ZNF516: variants seen among roughly 807,000 people sequenced by gnomAD.
ZNF516 encodes the protein zinc finger protein 516.
In ZNF516, 19 loss-of-function variants were observed where a neutral mutation model predicts 79.7. That is an observed-to-expected ratio of 0.24 (90% CI 0.17 to 0.35). The LOEUF (loss-of-function observed/expected upper bound fraction) is 0.35. ZNF516 is among the 10% of genes least tolerant of loss of function. ZNF516 has a pLI of 1.00. For synonymous variants in ZNF516, 877 were observed against 739.5 expected (o/e 1.19, Z -3.02); for missense variants, 1,678 against 1,679.5 (o/e 1.00, Z 0.02).
intron 3 of ZNF516, chr18:76,386,428 G>A (rs996959662): frequency 3.3e-5 from 5 of 152,248 alleles, no homozygotes; most frequent in African/African-American, 1.2e-4. Context: ...TTCAACTTTA[G>A]GCTGACAAGG....
chr18:76,433,451 G>C (rs543811426), intron 3 of ZNF516, among the ~76,000 whole-genome samples: 2 of 152,340 alleles, frequency 1.3e-5, no homozygotes, highest in African/African-American at 2.4e-5. Context: ...GGGTCATCCT[G>C]CCTGAAAAGA....
At chr18:76,477,417 G>A (rs1477122092) in intron 1 of ZNF516, among the ~76,000 whole-genome samples, 5 of 152,100 alleles carry the variant, frequency 3.3e-5, no homozygotes, top group Non-Finnish European at 7.4e-5. Flanking sequence ...CTCCAAGAAC[G>A]GGACCCAGCC....
At chr18:76,375,386 G>A (rs375051197) in intron 4 of ZNF516, among the ~76,000 whole-genome samples, 13 of 151,798 alleles carry the variant, frequency 8.6e-5, no homozygotes, top group African/African-American at 1.7e-4. Flanking sequence ...GAGAGTGGAC[G>A]TGAAGGCCCC....
intron 3 of ZNF516, among the ~76,000 whole-genome samples, chr18:76,399,260 A>G (rs2075186473): frequency 6.6e-6 from 1 of 152,266 alleles, no homozygotes; most frequent in South Asian, 2.1e-4. Context: ...TGCAAAATGC[A>G]CATGTCTTAT....
At chr18:76,410,501 T>G (rs1035899205) in intron 3 of ZNF516, among the ~76,000 whole-genome samples, 8 of 152,292 alleles carry the variant, frequency 5.3e-5, no homozygotes, top group African/African-American at 1.7e-4. Flanking sequence ...GCTCGCGCAG[T>G]GGTTCCGCAG....
At position 76,402,771 on chromosome 18, in the gene ZNF516, G is replaced by C. The variant is rs543850383; in HGVS notation, c.1811-22468C>G. On this transcript the variant is annotated intron_variant, in intron 3 of 6. Transcript: ENST00000443185. ...TAGAAGCGAGCTCCATCGGGCCGCT[G>C]CGCTTCTATCAGCTTGAGCTGATGC... Among the ~76,000 whole-genome samples the C allele has an allele frequency of 2.9e-3, 445 of 152,386 alleles. 2 individuals carry two copies. Among genetic ancestry groups the C allele is most frequent in the Non-Finnish European group, 4.6e-3 (310 of 68,036 alleles).
At chr18:76,469,332 CTTTATA>C (rs1434454532) in intron 1 of ZNF516, among the ~76,000 whole-genome samples, 1 of 152,142 alleles carries the variant, frequency 6.6e-6, no homozygotes, top group Admixed American at 6.6e-5. Flanking sequence ...CTCATTATAT[CTTTATA>C]TTTAGAGGGC....
chr18:76,450,451 G>A (rs1912337978), intron 2 of ZNF516, among the ~76,000 whole-genome samples: 1 of 147,136 alleles, frequency 6.8e-6, no homozygotes, highest in Admixed American at 7.1e-5. Flanking sequence ...GAAAGTCAAA[G>A]AAAAATCGTC....
chr18:76,454,273 CTTACGCATTTT>C (rs1289980220), intron 2 of ZNF516, among the ~76,000 whole-genome samples: 14 of 152,182 alleles, frequency 9.2e-5, no homozygotes, highest in African/African-American at 2.9e-4. Flanking sequence ...TAAGCAATTG[CTTACGCATTTT>C]TTGTTAAAAG....
At chr18:76,488,202 A>G in intron 1 of ZNF516, 1 of 985,400 alleles carries the variant, frequency 1.0e-6, no homozygotes, top group Non-Finnish European at 1.2e-6. Context: ...TCTAAATGAG[A>G]TGCAGCTCCC....
intron 3 of ZNF516, among the ~76,000 whole-genome samples, chr18:76,433,641 A>G (rs983219015): frequency 9.2e-5 from 14 of 152,166 alleles, no homozygotes; most frequent in Non-Finnish European, 1.8e-4. Flanking sequence ...CAGGTGCCAG[A>G]GCTGAAATGC....
At chr18:76,407,773 CCACCCAGA>C (rs1473211312) in intron 3 of ZNF516, among the ~76,000 whole-genome samples, 2 of 152,246 alleles carry the variant, frequency 1.3e-5, no homozygotes, top group Non-Finnish European at 2.9e-5. Flanking sequence ...TCGTTGCCAG[CCACCCAGA>C]CACCCCTCAT....
chr18:76,490,949 A>C (rs1915146357), intron 1 of ZNF516: 3 of 985,364 alleles, frequency 3.0e-6, no homozygotes, highest in Non-Finnish European at 2.4e-6. Flanking sequence ...CTGTGAGGTC[A>C]CACACGCAGA....
At chr18:76,469,546 C>T (rs569121989) in intron 1 of ZNF516, among the ~76,000 whole-genome samples, 6 of 152,020 alleles carry the variant, frequency 3.9e-5, no homozygotes, top group South Asian at 2.1e-4. Context: ...TAAAAATTAC[C>T]GGGTTGGGAT....
intron 2 of ZNF516, among the ~76,000 whole-genome samples, chr18:76,460,921 G>A (rs1359367105): frequency 6.6e-6 from 1 of 152,166 alleles, no homozygotes; most frequent in Non-Finnish European, 1.5e-5. Context: ...GGTGGCTCAC[G>A]CCTGTAATCC....
chr18:76,421,200 C>A (rs1318896779), intron 3 of ZNF516, among the ~76,000 whole-genome samples: 1 of 152,212 alleles, frequency 6.6e-6, no homozygotes, highest in African/African-American at 2.4e-5. Context: ...CTTAGGAAGT[C>A]ATTCTGCGTT....
intron 4 of ZNF516, chr18:76,378,029 T>C (rs2074815681): frequency 6.6e-6 from 1 of 152,184 alleles, no homozygotes; most frequent in Admixed American, 6.5e-5. Flanking sequence ...GACAAACAAT[T>C]CTATCGAAGA....
At chr18:76,364,541 C>T (rs1376770286) in intron 6 of ZNF516, among the ~76,000 whole-genome samples, 2 of 152,196 alleles carry the variant, frequency 1.3e-5, no homozygotes, top group African/African-American at 4.8e-5. Context: ...GAAAGACATA[C>T]TATCTTTCTT....
intron 3 of ZNF516, among the ~76,000 whole-genome samples, chr18:76,403,649 G>A (rs145517818): frequency 6.5e-4 from 99 of 152,284 alleles, no homozygotes; most frequent in African/African-American, 2.2e-3. Context: ...ATTCTTTAAA[G>A]TGAGAAAACA....
Sources: allele counts gnomAD v4.1 joint callset (sites outside exome capture counted in the v4.1 genomes callset), GRCh38; gene constraint gnomAD v4.1.1; transcripts MANE v1.5; gene names NCBI Gene and HGNC (gene_info 2026-07-23, HGNC 2026-07-21).